GABRB1: variants seen among roughly 807,000 people sequenced by gnomAD.
GABRB1 encodes the protein gamma-aminobutyric acid type A receptor subunit beta1.
In GABRB1, 17 loss-of-function variants were observed where a neutral mutation model predicts 51.6. That is an observed-to-expected ratio of 0.33 (90% CI 0.23 to 0.49). The LOEUF (loss-of-function observed/expected upper bound fraction) is 0.49, where lower values mean the gene tolerates loss of function less well. GABRB1 is among the 20% of genes least tolerant of loss of function. The probability of loss-of-function intolerance (pLI) is 0.99; values close to 1 mark genes in which losing one functional copy is unlikely to be tolerated. For missense variants in GABRB1, 410 were observed against 600.6 expected, an observed-to-expected ratio of 0.68 and a Z score of 3.32; for synonymous variants, 247 against 218.9, an observed-to-expected ratio of 1.13 and a Z score of -1.14.
rs1714852656 is a variant in GABRB1 at position 47,104,284 on chromosome 4, GA to G, written c.241-56963del. Among the ~76,000 whole-genome samples, 3 of 151,398 alleles carry G rather than the reference GA, an allele frequency of 2.0e-5. No individual in the cohort carries two copies. In the South Asian group the frequency reaches 6.3e-4, roughly 32 times the overall value. On this transcript the variant is annotated intron_variant, in intron 3 of 8. Transcript: ENST00000295454. The stretch of plus-strand genomic sequence containing the variant: ...ATATAGTCCTCATCTCTATTCTTCT[GA>G]ATGTAATTTTTTATTTGTCTGCCTT...
intron 3 of GABRB1, among the ~76,000 whole-genome samples, chr4:47,141,089 T>A (rs1440186040): frequency 1.3e-5 from 2 of 151,728 alleles, no homozygotes; most frequent in African/African-American, 4.8e-5. Flanking sequence ...AACAGTTTTT[T>A]TTAAAAAAAA....
chr4:47,403,277 T>C (rs776407721), intron 5 of GABRB1, 41 bp from the exon 6 acceptor site: 3 of 1,605,126 alleles, frequency 1.9e-6, no homozygotes, highest in Non-Finnish European at 1.7e-6. Flanking sequence ...CAAAATGATT[T>C]CCTAAACTTT....
intron 5 of GABRB1, among the ~76,000 whole-genome samples, chr4:47,397,448 A>AT (rs1728214645): frequency 6.6e-6 from 1 of 152,132 alleles, no homozygotes; most frequent in African/African-American, 2.4e-5. Flanking sequence ...CTAGTTCTGA[A>AT]TTTTTTATTG....
intron 4 of GABRB1, among the ~76,000 whole-genome samples, chr4:47,280,706 G>A (rs1260617793): frequency 6.6e-6 from 1 of 151,428 alleles, no homozygotes; most frequent in Non-Finnish European, 1.5e-5. Flanking sequence ...AGAGTGCAGT[G>A]CCAAAATCAC....
intron 3 of GABRB1, among the ~76,000 whole-genome samples, chr4:47,122,202 C>T (rs1715807722): frequency 6.6e-6 from 1 of 152,140 alleles, no homozygotes; most frequent in Admixed American, 6.5e-5. Flanking sequence ...AACTTTGAAT[C>T]ATCAGTGGCC....
chr4:47,204,453 G>A (rs968303871), intron 4 of GABRB1, among the ~76,000 whole-genome samples: 6 of 152,096 alleles, frequency 3.9e-5, no homozygotes, highest in African/African-American at 1.4e-4. Flanking sequence ...GGGATCTTGA[G>A]AGGCCACCTA....
chr4:47,348,529 C>T (rs887838689), intron 5 of GABRB1, among the ~76,000 whole-genome samples: 1 of 152,218 alleles, frequency 6.6e-6, no homozygotes, highest in African/African-American at 2.4e-5. Flanking sequence ...TGTGTTTAGG[C>T]TTGGGTTCCC....
chr4:47,299,928 A>G (rs979787778), intron 4 of GABRB1, among the ~76,000 whole-genome samples: 87 of 152,130 alleles, frequency 5.7e-4, no homozygotes, highest in African/African-American at 2.1e-3. Flanking sequence ...TGATGAGTTC[A>G]TGTCCTTTGT....
At chr4:47,102,293 G>T (rs1280237369) in intron 3 of GABRB1, among the ~76,000 whole-genome samples, 1 of 151,974 alleles carries the variant, frequency 6.6e-6, no homozygotes, top group Non-Finnish European at 1.5e-5. Flanking sequence ...CAAGCCATTA[G>T]CAACAAATAG....
intron 3 of GABRB1, among the ~76,000 whole-genome samples, chr4:47,104,001 T>C (rs1422544370): frequency 6.6e-6 from 1 of 152,016 alleles, no homozygotes; most frequent in East Asian, 1.9e-4. Context: ...GCATTCCTTA[T>C]GTCTTGATGT....
At chr4:47,074,449 C>T (rs1340722360) in intron 3 of GABRB1, among the ~76,000 whole-genome samples, 1 of 152,120 alleles carries the variant, frequency 6.6e-6, no homozygotes, top group East Asian at 1.9e-4. Context: ...CATGGAATTG[C>T]CTGGCACAGA....
intron 4 of GABRB1, among the ~76,000 whole-genome samples, chr4:47,233,422 C>T (rs1486638885): frequency 1.3e-5 from 2 of 152,128 alleles, no homozygotes; most frequent in East Asian, 3.8e-4. Flanking sequence ...TTATCCTTTG[C>T]CACTGCTTGC....
At chr4:47,254,047 G>A (rs1000316109) in intron 4 of GABRB1, among the ~76,000 whole-genome samples, 2 of 152,056 alleles carry the variant, frequency 1.3e-5, no homozygotes, top group Admixed American at 1.3e-4. Context: ...CTGACAATAG[G>A]GGCATCTTAT....
At chr4:47,310,204 G>T (rs1000275718) in intron 4 of GABRB1, among the ~76,000 whole-genome samples, 1 of 152,126 alleles carries the variant, frequency 6.6e-6, no homozygotes, top group African/African-American at 2.4e-5. Flanking sequence ...CTAAAAAAAT[G>T]GCAAAGGTAA....
At chr4:47,403,509 G>A in intron 6 of GABRB1, 50 bp from the exon 7 acceptor site, 5 of 1,613,244 alleles carry the variant, frequency 3.1e-6, no homozygotes, top group Non-Finnish European at 4.2e-6. Context: ...GAAGAAGATG[G>A]TTCCAACCAA....
At chr4:47,184,511 C>G (rs759073829) in intron 4 of GABRB1, among the ~76,000 whole-genome samples, 4 of 151,908 alleles carry the variant, frequency 2.6e-5, no homozygotes, top group Non-Finnish European at 4.4e-5. Flanking sequence ...AAGATGCACT[C>G]AAGTGATAGC....
chr4:47,044,932 C>T (rs987102528), intron 3 of GABRB1, among the ~76,000 whole-genome samples: 6 of 152,032 alleles, frequency 3.9e-5, no homozygotes, highest in South Asian at 4.1e-4. Flanking sequence ...ACCACTCAAA[C>T]TTAAACAAAA....
At chr4:46,995,006 G>C (rs772249787) in intron 1 of GABRB1, among the ~76,000 whole-genome samples, 1 of 152,156 alleles carries the variant, frequency 6.6e-6, no homozygotes, top group South Asian at 2.1e-4. Flanking sequence ...TCTGTATTCT[G>C]TACTGCTTTC....
intron 3 of GABRB1, among the ~76,000 whole-genome samples, chr4:47,100,703 A>G (rs1158789334): frequency 2.6e-5 from 4 of 152,032 alleles, no homozygotes; most frequent in Admixed American, 2.6e-4. Flanking sequence ...AAAAATAATT[A>G]TAATACAGTA....
Sources: allele counts gnomAD v4.1 joint callset (sites outside exome capture counted in the v4.1 genomes callset), GRCh38; gene constraint gnomAD v4.1.1; transcripts MANE v1.5; gene names NCBI Gene and HGNC (gene_info 2026-07-23, HGNC 2026-07-21).